OR52N4: variants seen among roughly 807,000 people sequenced by gnomAD.
OR52N4 encodes the protein olfactory receptor family 52 subfamily N member 4, also known as olfactory receptor 52N4.
In OR52N4, 15 loss-of-function variants were observed where a neutral mutation model predicts 15.0. That is an observed-to-expected ratio of 1.00 (90% CI 0.67 to 1.54). The LOEUF is 1.54. OR52N4 is among the 40% of genes most tolerant of loss of function. The pLI, the probability that OR52N4 is intolerant of heterozygous loss-of-function variation, is 0.00. For missense variants in OR52N4, 421 were observed against 394.0 expected, an observed-to-expected ratio of 1.07 and a Z score of -0.58; for synonymous variants, 143 against 143.7, an observed-to-expected ratio of 1.00 and a Z score of 0.03.
the OR52N4 span, chr11:5,738,178 T>G: frequency 6.6e-6 from 1 of 152,264 alleles, no homozygotes; most frequent in South Asian, 2.1e-4. Flanking sequence ...CCCAAACTCC[T>G]TTGTCTTTCG....
At chr11:5,748,917 C>T in the OR52N4 span, among the ~76,000 whole-genome samples, 1 of 151,974 alleles carries the variant, frequency 6.6e-6, no homozygotes, top group Admixed American at 6.6e-5. Context: ...TGCTTATATA[C>T]GTATCATTAT....
the OR52N4 span, among the ~76,000 whole-genome samples, chr11:5,742,393 A>T: frequency 6.6e-6 from 1 of 152,290 alleles, no homozygotes; most frequent in South Asian, 2.1e-4. Context: ...AATACTTTGC[A>T]AGATGAACAT....
the OR52N4 span, chr11:5,736,568 G>T: frequency 6.2e-7 from 1 of 1,613,824 alleles, no homozygotes; most frequent in Non-Finnish European, 8.5e-7. Flanking sequence ...CAAATTCCAG[G>T]TCTCTGAGTT....
upstream of OR52N4, among the ~76,000 whole-genome samples, chr11:5,750,562 T>C (rs1266883030): frequency 2.6e-5 from 4 of 152,012 alleles, no homozygotes; most frequent in Non-Finnish European, 4.4e-5. Flanking sequence ...TAAATTTTTA[T>C]AAATTATTGA....
the OR52N4 span, among the ~76,000 whole-genome samples, chr11:5,729,631 C>T: frequency 6.6e-6 from 1 of 152,162 alleles, no homozygotes; most frequent in Non-Finnish European, 1.5e-5. Flanking sequence ...ATAAGCACTG[C>T]TTGTTCATAA....
chr11:5,736,492 A>G, the OR52N4 span: 3 of 1,608,384 alleles, frequency 1.9e-6, no homozygotes, highest in East Asian at 6.7e-5. Context: ...CAATACAAAT[A>G]GAGATTTGAA....
At chr11:5,729,114 A>ATATT in the OR52N4 span, among the ~76,000 whole-genome samples, 3 of 82,918 alleles carry the variant, frequency 3.6e-5, no homozygotes, top group African/African-American at 1.4e-4. Flanking sequence ...TTAAATTGAG[A>ATATT]TTTTTTTTTT....
chr11:5,750,879 C>A (rs534545740), upstream of OR52N4, among the ~76,000 whole-genome samples: 10 of 151,980 alleles, frequency 6.6e-5, 1 homozygote, highest in South Asian at 2.1e-3. Flanking sequence ...CATTCACTTA[C>A]CTTAATTAAA....
At chr11:5,737,526 C>T in the OR52N4 span, 1 of 1,559,114 alleles carries the variant, frequency 6.4e-7, no homozygotes, top group Non-Finnish European at 8.7e-7. Flanking sequence ...ACCTCAGCTT[C>T]TCCTAAACTG....
chr11:5,737,738 C>T, the OR52N4 span: 1 of 373,686 alleles, frequency 2.7e-6, no homozygotes, highest in Admixed American at 4.2e-5. Flanking sequence ...ATTTAAAGAA[C>T]TTAATGATTG....
At chr11:5,744,781 C>T in the OR52N4 span, among the ~76,000 whole-genome samples, 11 of 151,994 alleles carry the variant, frequency 7.2e-5, no homozygotes, top group Non-Finnish European at 1.2e-4. Flanking sequence ...GGCATGGTGG[C>T]GCATGCCTGT....
chr11:5,746,919 A>G, the OR52N4 span, among the ~76,000 whole-genome samples: 1 of 152,058 alleles, frequency 6.6e-6, no homozygotes, highest in Non-Finnish European at 1.5e-5. Context: ...ATGTACATCA[A>G]TGGATGACAG....
chr11:5,742,467 C>A, the OR52N4 span, among the ~76,000 whole-genome samples: 1 of 152,066 alleles, frequency 6.6e-6, no homozygotes, highest in Non-Finnish European at 1.5e-5. Flanking sequence ...CTGAAAGCAG[C>A]AAAAGAGGCA....
the OR52N4 span, chr11:5,737,035 A>G: frequency 6.2e-7 from 1 of 1,614,156 alleles, no homozygotes; most frequent in Non-Finnish European, 8.5e-7. Flanking sequence ...TGCTTGCAGC[A>G]CAGCGTGATT....
chr11:5,746,697 G>A, the OR52N4 span, among the ~76,000 whole-genome samples: 48 of 152,068 alleles, frequency 3.2e-4, no homozygotes, highest in African/African-American at 1.1e-3. Flanking sequence ...ACTGTGAGCG[G>A]GAATGTAAAT....
At chr11:5,740,721 C>T in the OR52N4 span, among the ~76,000 whole-genome samples, 1 of 126,544 alleles carries the variant, frequency 7.9e-6, no homozygotes, top group Non-Finnish European at 1.7e-5. Flanking sequence ...GTGGGAGAAT[C>T]GCTTGAGCAT....
At chr11:5,745,676 C>A in the OR52N4 span, among the ~76,000 whole-genome samples, 9 of 152,076 alleles carry the variant, frequency 5.9e-5, no homozygotes, top group African/African-American at 1.9e-4. Context: ...TATCATTTTT[C>A]ACAGAATTAG....
At chr11:5,751,255 T>C (rs1446950955), upstream of OR52N4, among the ~76,000 whole-genome samples, 2 of 152,066 alleles carry the variant, frequency 1.3e-5, no homozygotes, top group Non-Finnish European at 2.9e-5. Context: ...AATCTTATAC[T>C]GCATATATAA....
the OR52N4 span, chr11:5,736,918 T>C: frequency 6.2e-7 from 1 of 1,614,050 alleles, no homozygotes; most frequent in East Asian, 2.2e-5. Flanking sequence ...GATATGTGGC[T>C]ATTTGTCACC....
Sources: allele counts gnomAD v4.1 joint callset (sites outside exome capture counted in the v4.1 genomes callset), GRCh38; gene constraint gnomAD v4.1.1; transcripts MANE v1.5; gene names NCBI Gene and HGNC (gene_info 2026-07-23, HGNC 2026-07-21).